Variants in PTPRT observed in about 807,000 individuals in gnomAD.
PTPRT encodes the protein protein tyrosine phosphatase receptor type T.
In PTPRT, 56 loss-of-function variants were observed where a neutral mutation model predicts 176.8. The ratio of observed to expected loss-of-function variants is 0.32; its 90% CI spans 0.26 to 0.40. The LOEUF is 0.40. Ranked by LOEUF, PTPRT falls within the 10% of genes least tolerant of loss-of-function variation. The pLI is 1.00. For missense variants in PTPRT, 1,540 were observed against 1,908.2 expected, an observed-to-expected ratio of 0.81 and a Z score of 3.60; for synonymous variants, 783 against 739.0, an observed-to-expected ratio of 1.06 and a Z score of -0.96.
chr20:42,189,597 C>A (rs1432064191), intron 16 of PTPRT, among the ~76,000 whole-genome samples: 1 of 152,156 alleles, frequency 6.6e-6, no homozygotes, highest in Non-Finnish European at 1.5e-5. Context: ...ATGCAGAAAT[C>A]AGATTAGGAG....
At chr20:42,344,478 C>T (rs181495398) in intron 11 of PTPRT, among the ~76,000 whole-genome samples, 9 of 152,268 alleles carry the variant, frequency 5.9e-5, no homozygotes, top group Admixed American at 5.9e-4. Flanking sequence ...GTATGGGACC[C>T]ATCTCTGCCC....
chr20:43,077,330 C>G (rs1486466544), intron 1 of PTPRT, among the ~76,000 whole-genome samples: 4 of 152,136 alleles, frequency 2.6e-5, no homozygotes, highest in Non-Finnish European at 5.9e-5. Flanking sequence ...CTGCACAGCT[C>G]ATGAAGTGAC....
chr20:43,141,288 C>T (rs6072996), intron 1 of PTPRT, among the ~76,000 whole-genome samples: 139,323 of 152,172 alleles, frequency 0.92, 65,094 homozygotes, highest in East Asian at 1. Flanking sequence ...TGAGCTAGGC[C>T]CAGTCGGGCA....
intron 4 of PTPRT, among the ~76,000 whole-genome samples, chr20:42,779,519 T>C (rs980986811): frequency 6.6e-6 from 1 of 152,200 alleles, no homozygotes; most frequent in Non-Finnish European, 1.5e-5. Context: ...CCCAACCAAA[T>C]GTCACTGGGT....
chr20:42,411,764 C>A (rs561052138), intron 9 of PTPRT, among the ~76,000 whole-genome samples: 1 of 151,962 alleles, frequency 6.6e-6, no homozygotes, highest in Non-Finnish European at 1.5e-5. Flanking sequence ...ACTACCAAAT[C>A]TCACTCAAGA....
At chr20:42,314,200 G>A (rs1192239615) in intron 12 of PTPRT, among the ~76,000 whole-genome samples, 1 of 152,106 alleles carries the variant, frequency 6.6e-6, no homozygotes, top group Non-Finnish European at 1.5e-5. Context: ...TGAACTGTAG[G>A]GCTTAGCATT....
chr20:42,571,165 A>C (rs1475617025), intron 7 of PTPRT, among the ~76,000 whole-genome samples: 1 of 152,250 alleles, frequency 6.6e-6, no homozygotes, highest in African/African-American at 2.4e-5. Context: ...CGCTTTGCAT[A>C]ACAAGTGTAA....
chr20:42,087,795 C>T (rs1173071919), intron 27 of PTPRT, among the ~76,000 whole-genome samples: 2 of 148,230 alleles, frequency 1.3e-5, no homozygotes, highest in Non-Finnish European at 3.0e-5. Context: ...ATCACTTGAA[C>T]CCAGGGGGCA....
intron 1 of PTPRT, among the ~76,000 whole-genome samples, chr20:43,019,038 A>G (rs979155055): frequency 2.6e-5 from 4 of 152,376 alleles, no homozygotes; most frequent in African/African-American, 9.6e-5. Flanking sequence ...ATTGTTTGAA[A>G]AAAAGCAAAA....
In PTPRT at chr20:42,098,471, C is replaced by G; in HGVS notation, c.3796G>C (p.Asp1266His). The change falls in exon 27 of 31, where the codon GAT becomes CAT. Residue 1266 changes from aspartate (D) to histidine (H), a missense_variant. Transcript: ENST00000373187. ...ATCACCACAGAGGAGCAGTTGTAAT[C>G]GAACACCAGCCTCCAGAAGTCTGCC... is the stretch of plus-strand genomic sequence containing the variant. ...TVADFWRLVF[D>H]YNCSSVVMLN... The G allele has an allele frequency of 6.2e-7, 1 of 1,614,158 alleles. No homozygotes were observed. The highest frequency in any genetic ancestry group is 8.5e-7 in the Non-Finnish European group (1 of 1,180,036).
At chr20:42,771,699 CTTA>C (rs1378889347) in intron 4 of PTPRT, 149 bp from the exon 5 acceptor site, 5 of 653,064 alleles carry the variant, frequency 7.7e-6, no homozygotes, top group Non-Finnish European at 1.4e-5. Context: ...TCATTGATCA[CTTA>C]TTATAAGTCT....
chr20:42,648,828 T>TTTTGTTTTTTTTTTTG (rs2074971088), intron 7 of PTPRT, among the ~76,000 whole-genome samples: 2 of 146,684 alleles, frequency 1.4e-5, no homozygotes, highest in African/African-American at 5.2e-5. Flanking sequence ...TTGTTTTTTT[T>TTTTGTTTTTTTTTTTG]TTTTTTTTTT....
intron 9 of PTPRT, among the ~76,000 whole-genome samples, chr20:42,353,491 G>T (rs2145532380): frequency 6.6e-6 from 1 of 152,284 alleles, no homozygotes; most frequent in East Asian, 1.9e-4. Flanking sequence ...TGTGAGTTCA[G>T]CAATAACCAA....
intron 1 of PTPRT, among the ~76,000 whole-genome samples, chr20:43,121,653 G>A (rs1051675691): frequency 2.1e-4 from 32 of 152,228 alleles, no homozygotes; most frequent in African/African-American, 5.5e-4. Flanking sequence ...TTGATACAAT[G>A]CTTTCTTTTT....
At chr20:42,268,060 G>A (rs911137831) in intron 13 of PTPRT, among the ~76,000 whole-genome samples, 4 of 152,280 alleles carry the variant, frequency 2.6e-5, no homozygotes, top group Admixed American at 2.6e-4. Context: ...TGGTCCTGCA[G>A]CTCTCTGAGT....
At chr20:42,593,556 T>C (rs544055541) in intron 7 of PTPRT, among the ~76,000 whole-genome samples, 1 of 152,294 alleles carries the variant, frequency 6.6e-6, no homozygotes, top group South Asian at 2.1e-4. Flanking sequence ...CCAGATTTGG[T>C]GGAAAGTGAG....
chr20:42,464,339 A>T (rs6030263), intron 8 of PTPRT, among the ~76,000 whole-genome samples: 56,083 of 152,044 alleles, frequency 0.37, 10,685 homozygotes, highest in East Asian at 0.46. Flanking sequence ...ATATCCCTCA[A>T]AGAGAGATAA....
At chr20:42,408,695 C>T (rs1171891138) in intron 9 of PTPRT, among the ~76,000 whole-genome samples, 1 of 151,644 alleles carries the variant, frequency 6.6e-6, no homozygotes, top group East Asian at 1.9e-4. Flanking sequence ...ATCCATCTTG[C>T]AATACAAAAA....
intron 2 of PTPRT, among the ~76,000 whole-genome samples, chr20:42,840,529 C>T (rs2078259898): frequency 6.6e-6 from 1 of 152,146 alleles, no homozygotes. Context: ...TCTCCTGCGT[C>T]AGCCTCCCTA....
Sources: gnomAD v4.1 joint callset for allele counts (sites outside exome capture counted in the v4.1 genomes callset) on GRCh38, gnomAD v4.1.1 for gene constraint, MANE v1.5 for transcripts, NCBI Gene and HGNC (gene_info 2026-07-23, HGNC 2026-07-21) for gene names.